Variants in MAGI1 observed in about 807,000 individuals in gnomAD.
The protein encoded by MAGI1 is membrane associated guanylate kinase, WW and PDZ domain containing 1, also known as membrane-associated guanylate kinase, WW and PDZ domain-containing protein 1.
MAGI1 carries 58 observed loss-of-function variants against 139.9 expected under a neutral mutation model. The ratio of observed to expected loss-of-function variants is 0.41; its 90% CI spans 0.34 to 0.52. MAGI1 has a LOEUF of 0.52. MAGI1 is among the 20% of genes least tolerant of loss of function. The pLI is 0.12. For missense variants in MAGI1, 1,874 were observed against 1,901.6 expected, an observed-to-expected ratio of 0.99 and a Z score of 0.27; for synonymous variants, 812 against 737.9, an observed-to-expected ratio of 1.10 and a Z score of -1.63.
intron 12 of MAGI1, among the ~76,000 whole-genome samples, chr3:65,428,096 C>A (rs894048451): frequency 1.3e-5 from 2 of 152,150 alleles, no homozygotes; most frequent in South Asian, 2.1e-4. Context: ...CTTCAAATGA[C>A]CCCAGCCATT....
In MAGI1 at chr3:65,465,453, T is replaced by C. The variant is rs1302143819; in HGVS notation, c.959+4830A>G. The stretch of plus-strand genomic sequence containing the variant: ...GGCAGCAAATTTTCTTAGTTTTCTT[T>C]CGTCTAAGAATATTTTCATTTTCCC... On this transcript the variant is annotated intron_variant, in intron 5 of 22. Transcript: ENST00000402939. Among the ~76,000 whole-genome samples the C allele has an allele frequency of 3.9e-5, 6 of 152,068 alleles. No individual in the cohort carries two copies. In the East Asian group the frequency reaches 9.6e-4, roughly 24 times the overall value.
At chr3:65,987,661 C>T (rs767594681) in intron 1 of MAGI1, among the ~76,000 whole-genome samples, 15 of 152,310 alleles carry the variant, frequency 9.8e-5, no homozygotes, top group Non-Finnish European at 1.6e-4. Flanking sequence ...ATGGCATGAT[C>T]CCCACACACT....
chr3:65,613,632 AACAACGTATAATAAGAAAT>A (rs2083228352), intron 2 of MAGI1, among the ~76,000 whole-genome samples: 1 of 152,212 alleles, frequency 6.6e-6, no homozygotes, highest in South Asian at 2.1e-4. Flanking sequence ...AATTAGGGTT[AACAACGTATAATAAGAAAT>A]ACAAAGAAAC....
intron 1 of MAGI1, among the ~76,000 whole-genome samples, chr3:65,982,644 A>G (rs1349958547): frequency 1.3e-5 from 2 of 152,244 alleles, no homozygotes; most frequent in Non-Finnish European, 2.9e-5. Flanking sequence ...AATATTAATT[A>G]TCAGTGTCTT....
intron 1 of MAGI1, among the ~76,000 whole-genome samples, chr3:65,917,341 C>T (rs264691): frequency 0.76 from 115,060 of 152,160 alleles, 44,769 homozygotes; most frequent in East Asian, 0.99. Flanking sequence ...CTCTCACTCA[C>T]TGCTGGTGGG....
chr3:65,947,152 G>C (rs913185640), intron 1 of MAGI1, among the ~76,000 whole-genome samples: 2 of 152,152 alleles, frequency 1.3e-5, no homozygotes, highest in African/African-American at 4.8e-5. Flanking sequence ...CCGAGCTTGT[G>C]TTTCCTGTAG....
chr3:65,928,626 G>C (rs2062642036), intron 1 of MAGI1, among the ~76,000 whole-genome samples: 1 of 152,158 alleles, frequency 6.6e-6, no homozygotes, highest in South Asian at 2.1e-4. Context: ...TCAGCCGAAA[G>C]ACTAAAATTC....
intron 1 of MAGI1, among the ~76,000 whole-genome samples, chr3:65,856,599 T>C (rs2059385341): frequency 6.6e-6 from 1 of 152,162 alleles, no homozygotes; most frequent in Non-Finnish European, 1.5e-5. Context: ...ACAATGATTC[T>C]AAGACAACAC....
chr3:65,547,847 G>A (rs564877904), intron 2 of MAGI1, among the ~76,000 whole-genome samples: 38 of 152,112 alleles, frequency 2.5e-4, no homozygotes, highest in Non-Finnish European at 5.1e-4. Context: ...ATTACAATCA[G>A]GTATGTTCTA....
intron 1 of MAGI1, among the ~76,000 whole-genome samples, chr3:65,808,497 C>CA (rs537102976): frequency 3.4e-4 from 51 of 151,634 alleles, no homozygotes; most frequent in African/African-American, 8.2e-4. Context: ...GACTCTGTCT[C>CA]AAAAAAACAA....
intron 1 of MAGI1, among the ~76,000 whole-genome samples, chr3:65,655,992 T>C (rs552002518): frequency 6.6e-6 from 1 of 152,338 alleles, no homozygotes; most frequent in Non-Finnish European, 1.5e-5. Flanking sequence ...AATTCACTGA[T>C]AACCCAGAAA....
intron 2 of MAGI1, among the ~76,000 whole-genome samples, chr3:65,609,244 T>C (rs1576466406): frequency 6.6e-6 from 1 of 152,100 alleles, no homozygotes; most frequent in South Asian, 2.1e-4. Flanking sequence ...TATAACTTGC[T>C]ATATTTATTT....
At chr3:65,633,710 A>G (rs2084438089) in intron 1 of MAGI1, among the ~76,000 whole-genome samples, 1 of 152,168 alleles carries the variant, frequency 6.6e-6, no homozygotes, top group African/African-American at 2.4e-5. Context: ...TTCCAGTTAC[A>G]CTAAGATAGT....
chr3:65,539,739 C>T (rs2079125494), intron 2 of MAGI1, among the ~76,000 whole-genome samples: 1 of 152,186 alleles, frequency 6.6e-6, no homozygotes. Context: ...TGCCTTTACC[C>T]ACTTTCTGGA....
chr3:65,624,509 G>T (rs928858304), intron 1 of MAGI1, among the ~76,000 whole-genome samples: 1 of 152,194 alleles, frequency 6.6e-6, no homozygotes, highest in Non-Finnish European at 1.5e-5. Flanking sequence ...AGCAAAAGAA[G>T]TCAGACACAA....
intron 5 of MAGI1, among the ~76,000 whole-genome samples, chr3:65,464,237 T>G (rs1950019505): frequency 6.6e-6 from 1 of 152,186 alleles, no homozygotes; most frequent in South Asian, 2.1e-4. Context: ...TTTCAGCTCT[T>G]GACAATTTCT....
At chr3:65,619,356 T>C (rs971119695) in intron 2 of MAGI1, among the ~76,000 whole-genome samples, 6 of 152,190 alleles carry the variant, frequency 3.9e-5, no homozygotes, top group African/African-American at 1.4e-4. Context: ...ACAGCTCCAC[T>C]ACATTATGGC....
rs1201099013 is a variant in MAGI1 at position 66,038,309 on chromosome 3, G to A, written c.-1C>T. The stretch of plus-strand genomic sequence containing the variant: ...TCTTCTTCTGGATCACTTTGGACAT[G>A]ATGAGTTACACCCCTCCTCCAAAAA... On this transcript the variant is annotated 5_prime_UTR_variant, in exon 1 of 23. Transcript: ENST00000402939. The A allele has an allele frequency of 6.4e-7, 1 of 1,567,782 alleles. No homozygotes were observed. Among genetic ancestry groups the A allele is most frequent in the Non-Finnish European group, 8.7e-7 (1 of 1,155,652 alleles).
chr3:65,931,980 G>A (rs2062826898), intron 1 of MAGI1, among the ~76,000 whole-genome samples: 2 of 152,092 alleles, frequency 1.3e-5, no homozygotes, highest in South Asian at 4.1e-4. Flanking sequence ...GAAACTTGGA[G>A]TTACCAAATA....
Sources: allele counts gnomAD v4.1 joint callset (sites outside exome capture counted in the v4.1 genomes callset), GRCh38; gene constraint gnomAD v4.1.1; transcripts MANE v1.5; gene names NCBI Gene and HGNC (gene_info 2026-07-23, HGNC 2026-07-21).